The following CERS6 variants were observed in gnomAD, a reference collection of about 807,000 sequenced individuals.
CERS6 encodes the protein ceramide synthase 6, also known as LAG1 homolog, ceramide synthase 6.
Under a neutral mutation model 56.8 loss-of-function variants are expected in CERS6, and 26 were observed. The observed-to-expected ratio is 0.46, with a 90% CI of 0.34 to 0.63. CERS6 has a LOEUF of 0.63. CERS6 is among the 30% of genes least tolerant of loss of function. The pLI is 0.01. For missense variants in CERS6, 415 were observed against 467.5 expected (o/e 0.89, Z 1.04); for synonymous variants, 164 against 173.3 (o/e 0.95, Z 0.42).
intron 2 of CERS6, among the ~76,000 whole-genome samples, chr2:168,551,641 T>G (rs896378609): frequency 6.6e-6 from 1 of 152,210 alleles, no homozygotes; most frequent in African/African-American, 2.4e-5. Flanking sequence ...ATATAGCATC[T>G]TTTGTCTCAT....
chr2:168,677,560 C>G (rs927190847), intron 4 of CERS6, among the ~76,000 whole-genome samples: 3 of 152,030 alleles, frequency 2.0e-5, no homozygotes, highest in Non-Finnish European at 4.4e-5. Flanking sequence ...TGCAATGGCG[C>G]GATCTTGGCT....
chr2:168,459,325 T>C (rs1199021291), intron 1 of CERS6, among the ~76,000 whole-genome samples: 1 of 152,272 alleles, frequency 6.6e-6, no homozygotes, highest in African/African-American at 2.4e-5. Flanking sequence ...CATCAAAGAA[T>C]TGACTGAAAT....
chr2:168,509,953 G>C (rs879367826), intron 1 of CERS6, among the ~76,000 whole-genome samples: 1 of 152,118 alleles, frequency 6.6e-6, no homozygotes, highest in African/African-American at 2.4e-5. Flanking sequence ...TGTTGTTTTA[G>C]TTTCCAAACT....
chr2:168,664,009 A>G (rs539870644), intron 4 of CERS6, among the ~76,000 whole-genome samples: 24 of 152,312 alleles, frequency 1.6e-4, no homozygotes, highest in Middle Eastern at 6.8e-3. Flanking sequence ...CTGCATTTCC[A>G]TTGGAGTTCT....
intron 9 of CERS6, among the ~76,000 whole-genome samples, chr2:168,768,878 C>G (rs1684791952): frequency 7.3e-6 from 1 of 137,332 alleles, no homozygotes; most frequent in Non-Finnish European, 1.5e-5. Context: ...GCACTCCAGC[C>G]TGGGCAACAG....
chr2:168,630,192 C>T (rs1428183288), intron 3 of CERS6, among the ~76,000 whole-genome samples: 1 of 151,592 alleles, frequency 6.6e-6, no homozygotes, highest in East Asian at 1.9e-4. Context: ...TCAGGAATGC[C>T]ATTTAGTGAC....
chr2:168,707,580 C>T (rs1686989594), intron 6 of CERS6, among the ~76,000 whole-genome samples: 4 of 152,046 alleles, frequency 2.6e-5, no homozygotes, highest in Non-Finnish European at 1.5e-5. Flanking sequence ...TTAAATGGTC[C>T]GTTTAACCAG....
chr2:168,547,224 T>TA (rs1303940922), intron 1 of CERS6, among the ~76,000 whole-genome samples: 1 of 152,222 alleles, frequency 6.6e-6, no homozygotes, highest in African/African-American at 2.4e-5. Context: ...TTTCTCACAG[T>TA]AAAAATATGA....
At chr2:168,566,319 G>T (rs190041633) in intron 3 of CERS6, among the ~76,000 whole-genome samples, 4 of 152,274 alleles carry the variant, frequency 2.6e-5, no homozygotes, top group Non-Finnish European at 1.5e-5. Context: ...GACAGCTTAA[G>T]ATTCCCTTTT....
At chr2:168,693,103 A>G (rs1245006854) in intron 5 of CERS6, among the ~76,000 whole-genome samples, 1 of 152,144 alleles carries the variant, frequency 6.6e-6, no homozygotes, top group Admixed American at 6.6e-5. Flanking sequence ...AGTTGCATTC[A>G]GTTGAACCTT....
intron 6 of CERS6, among the ~76,000 whole-genome samples, chr2:168,706,720 G>T (rs1158101340): frequency 6.6e-6 from 1 of 152,176 alleles, no homozygotes; most frequent in African/African-American, 2.4e-5. Flanking sequence ...TTTTTGGTCT[G>T]ACCCAAATGT....
At chr2:168,482,589 A>T (rs147740353) in intron 1 of CERS6, among the ~76,000 whole-genome samples, 4 of 152,380 alleles carry the variant, frequency 2.6e-5, no homozygotes, top group African/African-American at 9.6e-5. Context: ...CGTCAGCTTC[A>T]AAGGGCTGCA....
At chr2:168,581,689 A>G (rs766285874) in intron 3 of CERS6, among the ~76,000 whole-genome samples, 27 of 151,994 alleles carry the variant, frequency 1.8e-4, no homozygotes, top group Admixed American at 2.6e-4. Flanking sequence ...GATACTTTTT[A>G]TGTGGTCTTT....
At chr2:168,652,268 C>T (rs763631140) in intron 4 of CERS6, among the ~76,000 whole-genome samples, 7 of 152,086 alleles carry the variant, frequency 4.6e-5, no homozygotes, top group Admixed American at 3.9e-4. Flanking sequence ...AGTTGACCTC[C>T]GGATTTTTGC....
chr2:168,580,833 T>C (rs1254795834), intron 3 of CERS6, among the ~76,000 whole-genome samples: 1 of 152,218 alleles, frequency 6.6e-6, no homozygotes, highest in Non-Finnish European at 1.5e-5. Flanking sequence ...ACTGTCTTCT[T>C]GCTTACATGC....
In CERS6 at chr2:168,615,305, GTTTC is replaced by G. The variant is rs1490947012; in HGVS notation, c.408-15676_408-15673del. Among the ~76,000 whole-genome samples, 6 of 151,948 alleles carry G rather than the reference GTTTC, an allele frequency of 3.9e-5. No individual in the cohort carries two copies. The East Asian group carries it at 1.2e-3, about 29-fold the overall frequency. ...CAATTCTGGAAATATGACAAAACAAGTTTCTTTAACACCCCCGAAAAATCACACC... is the reference window on the plus strand; with the variant it reads ...CAATTCTGGAAATATGACAAAACAAGTTTAACACCCCCGAAAAATCACACC... On this transcript the variant is annotated intron_variant, in intron 3 of 9. Transcript: ENST00000305747.
At position 168,694,859 on chromosome 2, in the gene CERS6, A is replaced by C. The variant is rs1421596486; in HGVS notation, c.517-100A>C. ...ACAGGAACTGCCTTTGTGCAGGTGC[A>C]AGACCATGTTACTTTTGAGCAGTGA... On this transcript the variant is annotated intron_variant, in intron 5 of 9. Coordinates refer to ENST00000305747, the MANE Select transcript of CERS6 (RefSeq NM_203463.3). 12 of 880,326 alleles carry C rather than the reference A, an allele frequency of 1.4e-5. No homozygotes were observed. The East Asian group carries it at 2.4e-4, about 18-fold the overall frequency. 54.5% of individuals were successfully genotyped at this position (880,326 alleles called of 1,614,324 possible). A position where few individuals can be genotyped will look rare whatever the true frequency, so the allele number is the denominator to read the frequency against.
At chr2:168,631,397 AAT>A (rs1482756955) in intron 4 of CERS6, among the ~76,000 whole-genome samples, 1 of 135,448 alleles carries the variant, frequency 7.4e-6, no homozygotes, top group Non-Finnish European at 1.5e-5. Flanking sequence ...TATATTATAT[AAT>A]ATATATTATA....
chr2:168,764,300 A>AC (rs1684667306), intron 8 of CERS6, among the ~76,000 whole-genome samples: 1 of 151,714 alleles, frequency 6.6e-6, no homozygotes, highest in Admixed American at 6.6e-5. Flanking sequence ...CCGCCACCAC[A>AC]CCCGGCTAAT....
Sources: allele counts gnomAD v4.1 joint callset (sites outside exome capture counted in the v4.1 genomes callset), GRCh38; gene constraint gnomAD v4.1.1; transcripts MANE v1.5; gene names NCBI Gene and HGNC (gene_info 2026-07-23, HGNC 2026-07-21).